The following NCALD variants were observed in gnomAD, a reference collection of about 807,000 sequenced individuals.
NCALD encodes the protein neurocalcin delta, also known as neurocalcin-delta.
A neutral mutation model predicts 18.6 loss-of-function variants in NCALD; 10 were observed. The observed-to-expected ratio is 0.54, with a 90% CI of 0.33 to 0.91. NCALD has a LOEUF of 0.91. Among genes scored for constraint, NCALD ranks in the 40% least tolerant of loss-of-function variants. NCALD has a pLI of 0.03. For missense variants in NCALD, 184 were observed against 247.6 expected, an observed-to-expected ratio of 0.74 and a Z score of 1.72; for synonymous variants, 88 against 87.4, an observed-to-expected ratio of 1.01 and a Z score of -0.04.
chr8:101,795,058 G>T (rs564485890), upstream of NCALD, among the ~76,000 whole-genome samples: 2 of 152,234 alleles, frequency 1.3e-5, no homozygotes, highest in Non-Finnish European at 2.9e-5. Context: ...GTAAACTAGA[G>T]AAAATGTCCT....
At chr8:101,804,677 A>G (rs559191133) in intron 4 of NCALD, among the ~76,000 whole-genome samples, 34 of 75,018 alleles carry the variant, frequency 4.5e-4, no homozygotes, top group African/African-American at 1.4e-3. Flanking sequence ...ATATAATATA[A>G]TTAATAAATT....
chr8:101,799,078 T>C (rs145222401), intron 4 of NCALD, among the ~76,000 whole-genome samples: 352 of 152,164 alleles, frequency 2.3e-3, no homozygotes, highest in East Asian at 8.3e-3. Context: ...ATCTAGGACA[T>C]ATAAAGAACT....
At chr8:101,712,967 A>G (rs924719593) in intron 2 of NCALD, among the ~76,000 whole-genome samples, 1 of 152,216 alleles carries the variant, frequency 6.6e-6, no homozygotes, top group East Asian at 1.9e-4. Flanking sequence ...CCAAATCAAC[A>G]GTGTATACAT....
intron 2 of NCALD, among the ~76,000 whole-genome samples, chr8:102,003,594 A>G (rs1354654595): frequency 6.6e-6 from 1 of 152,240 alleles, no homozygotes; most frequent in African/African-American, 2.4e-5. Flanking sequence ...ATTTTAGACC[A>G]ATATCCCTGA....
chr8:101,825,501 G>C (rs1388253701), intron 4 of NCALD, among the ~76,000 whole-genome samples: 2 of 152,246 alleles, frequency 1.3e-5, no homozygotes, highest in Admixed American at 1.3e-4. Flanking sequence ...TCTTTGGGAT[G>C]TGTGTTGCCA....
At chr8:101,891,025 TGAAA>T (rs1414055854) in intron 3 of NCALD, among the ~76,000 whole-genome samples, 1 of 152,154 alleles carries the variant, frequency 6.6e-6, no homozygotes, top group African/African-American at 2.4e-5. Flanking sequence ...ACATAATGAA[TGAAA>T]GAAAGCAAGT....
At chr8:101,836,245 A>C (rs1337884724) in intron 4 of NCALD, among the ~76,000 whole-genome samples, 1 of 152,222 alleles carries the variant, frequency 6.6e-6, no homozygotes, top group Non-Finnish European at 1.5e-5. Context: ...AACCAATCAG[A>C]AGCTTAACTT....
intron 4 of NCALD, among the ~76,000 whole-genome samples, chr8:101,818,182 T>G (rs997133945): frequency 3.3e-5 from 5 of 152,238 alleles, no homozygotes; most frequent in Non-Finnish European, 5.9e-5. Context: ...CATTCCATTA[T>G]CATGCACAGG....
chr8:102,099,315 G>A (rs1443617812), intron 1 of NCALD, among the ~76,000 whole-genome samples: 1 of 152,216 alleles, frequency 6.6e-6, no homozygotes, highest in Non-Finnish European at 1.5e-5. Flanking sequence ...CTTTCACACA[G>A]TCACTAACAG....
chr8:102,122,593 G>C (rs1248342814), intron 1 of NCALD, among the ~76,000 whole-genome samples: 2 of 152,298 alleles, frequency 1.3e-5, no homozygotes, highest in Non-Finnish European at 2.9e-5. Context: ...CATTTATGCA[G>C]CACTTACAAC....
At chr8:102,093,166 A>C (rs533720780) in intron 1 of NCALD, among the ~76,000 whole-genome samples, 1 of 152,094 alleles carries the variant, frequency 6.6e-6, no homozygotes, top group South Asian at 2.1e-4. Flanking sequence ...CTCCAAACAA[A>C]AAAAAAAAAG....
chr8:102,112,237 A>G (rs1243472881), intron 1 of NCALD, among the ~76,000 whole-genome samples: 1 of 152,088 alleles, frequency 6.6e-6, no homozygotes, highest in Non-Finnish European at 1.5e-5. Flanking sequence ...GTGTTATTCT[A>G]CTTAACCCTC....
intron 2 of NCALD, among the ~76,000 whole-genome samples, chr8:101,707,847 G>A (rs917088437): frequency 4.6e-5 from 7 of 151,710 alleles, no homozygotes; most frequent in Non-Finnish European, 8.8e-5. Flanking sequence ...CAGCCTGGAC[G>A]ACAGAGCAAA....
intron 1 of NCALD, among the ~76,000 whole-genome samples, chr8:102,057,132 A>C (rs961977075): frequency 6.6e-6 from 1 of 152,092 alleles, no homozygotes; most frequent in African/African-American, 2.4e-5. Flanking sequence ...ATTTGTGGGC[A>C]CCTCATGGTA....
chr8:102,043,798 A>G (rs941176140), intron 1 of NCALD, among the ~76,000 whole-genome samples: 3 of 151,422 alleles, frequency 2.0e-5, no homozygotes, highest in Admixed American at 6.6e-5. Context: ...CAGCAGCTGT[A>G]TGTGTTGTAT....
intron 1 of NCALD, among the ~76,000 whole-genome samples, chr8:102,073,051 C>T (rs1431946304): frequency 1.3e-5 from 2 of 152,040 alleles, no homozygotes; most frequent in Non-Finnish European, 2.9e-5. Flanking sequence ...AAGATATTTT[C>T]CACAACTTTA....
intron 1 of NCALD, among the ~76,000 whole-genome samples, chr8:102,117,590 C>A (rs1310714849): frequency 6.9e-6 from 1 of 145,710 alleles, no homozygotes; most frequent in Non-Finnish European, 1.5e-5. Flanking sequence ...GTGACACTGT[C>A]AACTCCGTTG....
intron 1 of NCALD, among the ~76,000 whole-genome samples, chr8:101,720,274 G>A (rs1201022844): frequency 3.3e-5 from 5 of 152,106 alleles, no homozygotes; most frequent in African/African-American, 1.2e-4. Flanking sequence ...ACAATGTTGG[G>A]TTTTGATAGT....
chr8:101,847,916 C>T (rs1331673662), intron 4 of NCALD, among the ~76,000 whole-genome samples: 8 of 151,932 alleles, frequency 5.3e-5, no homozygotes, highest in Admixed American at 2.6e-4. Flanking sequence ...CATTTACGCT[C>T]GTAAAAAACA....
Sources: gnomAD v4.1 joint callset for allele counts (sites outside exome capture counted in the v4.1 genomes callset) on GRCh38, gnomAD v4.1.1 for gene constraint, MANE v1.5 for transcripts, NCBI Gene and HGNC (gene_info 2026-07-23, HGNC 2026-07-21) for gene names.